Variants in SHANK2 observed in about 807,000 individuals in gnomAD.
SHANK2 encodes the protein SH3 and multiple ankyrin repeat domains 2, also known as SH3 and multiple ankyrin repeat domains protein 2.
In SHANK2, 43 loss-of-function variants were observed where a neutral mutation model predicts 133.7. The observed-to-expected ratio is 0.32, with a 90% CI of 0.25 to 0.41. SHANK2 has a LOEUF of 0.41. SHANK2 is among the 10% of genes least tolerant of loss of function. SHANK2 has a pLI of 1.00. For missense variants in SHANK2, 1,994 were observed against 2,235.8 expected (o/e 0.89, Z 2.18); for synonymous variants, 1,017 against 952.8 (o/e 1.07, Z -1.24).
intron 2 of SHANK2, among the ~76,000 whole-genome samples, chr11:71,220,929 G>A (rs1182929335): frequency 3.9e-5 from 6 of 152,144 alleles, no homozygotes; most frequent in Admixed American, 6.5e-5. Context: ...GGCCAGGCAC[G>A]GTGGCTCACG....
chr11:71,114,908 G>A (rs782457370), intron 4 of SHANK2, among the ~76,000 whole-genome samples: 1 of 152,096 alleles, frequency 6.6e-6, no homozygotes, highest in African/African-American at 2.4e-5. Context: ...AGCATCTCTG[G>A]GGCAGGAGGG....
At chr11:70,540,449 G>T (rs2059605687) in intron 17 of SHANK2, among the ~76,000 whole-genome samples, 1 of 152,080 alleles carries the variant, frequency 6.6e-6, no homozygotes, top group African/African-American at 2.4e-5. Flanking sequence ...GAGTGATGAG[G>T]ACCATTCTCA....
At chr11:70,849,619 T>C (rs1949052809) in intron 11 of SHANK2, among the ~76,000 whole-genome samples, 1 of 152,164 alleles carries the variant, frequency 6.6e-6, no homozygotes, top group Non-Finnish European at 1.5e-5. Context: ...CACCCTAATA[T>C]ACATGTTAGC....
intron 17 of SHANK2, among the ~76,000 whole-genome samples, chr11:70,597,813 C>T (rs565207652): frequency 4.6e-5 from 7 of 152,296 alleles, no homozygotes; most frequent in African/African-American, 1.4e-4. Flanking sequence ...GCGGAGGTTG[C>T]GGTGAGCTGA....
chr11:70,787,873 C>T (rs996064030), intron 14 of SHANK2, among the ~76,000 whole-genome samples: 1 of 152,208 alleles, frequency 6.6e-6, no homozygotes, highest in African/African-American at 2.4e-5. Flanking sequence ...TGCTTCTGAG[C>T]AAGTCACTCA....
chr11:70,820,560 A>G lies in SHANK2; in HGVS notation c.1297T>C (p.Trp433Arg), dbSNP rs1275818763. The G allele has an allele frequency of 1.3e-5, 9 of 716,850 alleles. No individual in the cohort carries two copies. Among genetic ancestry groups the G allele is most frequent in the Non-Finnish European group, 2.3e-5 (9 of 384,750 alleles). The allele number at this position is 716,850 out of a possible 1,614,324, so 44.4% of individuals were successfully genotyped here. The change falls in exon 12 of 26, where the codon TGG becomes CGG. Residue 433 changes from tryptophan (W) to arginine (R), a missense_variant. Around this residue, in one of 5 missense-constraint regions of SHANK2, gnomAD observed 653 missense variants for 563.4 expected, o/e 1.16. Transcript: ENST00000601538. ...GAGGTGGCCGTGGAGCAGACGGCCC[A>G]GTCGGGAGCGCTGGCATTGAGGTTG... is the stretch of plus-strand genomic sequence containing the variant. ...DNNLNASAPDWAVCSTATSHR... is the reference protein window; with the variant it reads ...DNNLNASAPDRAVCSTATSHR...
rs553451167 is a variant in SHANK2 at position 70,662,458 on chromosome 11, C to G, written c.1854-780G>C. ...GGCTGGGGCTCTCTCTGCATCCCCC[C>G]CTCCAGCGTCCCCCCGGTCCCTTGC... On this transcript the variant is annotated intron_variant, in intron 15 of 25. Transcript: ENST00000601538. Among the ~76,000 whole-genome samples, 572 of 152,258 alleles carry G rather than the reference C, an allele frequency of 3.8e-3. 3 individuals are homozygous for G. The highest frequency in any genetic ancestry group is 7.0e-3 in the Non-Finnish European group (479 of 68,022).
At chr11:70,717,734 C>T (rs1332748470) in intron 14 of SHANK2, among the ~76,000 whole-genome samples, 9 of 152,046 alleles carry the variant, frequency 5.9e-5, no homozygotes, top group South Asian at 4.1e-4. Context: ...CCATCTCACT[C>T]GGACCACTGC....
intron 15 of SHANK2, among the ~76,000 whole-genome samples, chr11:70,684,062 G>A (rs1389932606): frequency 3.3e-5 from 5 of 152,148 alleles, no homozygotes; most frequent in African/African-American, 1.2e-4. Context: ...GAGATGACAG[G>A]CGTGAGCCAC....
intron 1 of SHANK2, among the ~76,000 whole-genome samples, chr11:71,232,550 T>TCTC (rs781874391): frequency 5.4e-4 from 81 of 150,706 alleles, no homozygotes; most frequent in Admixed American, 2.5e-3. Flanking sequence ...TCCCCCCTCC[T>TCTC]CTCCTCCTCC....
chr11:70,756,971 GCC>G (rs1160550689), intron 14 of SHANK2, among the ~76,000 whole-genome samples: 10 of 152,250 alleles, frequency 6.6e-5, no homozygotes, highest in African/African-American at 2.4e-4. Context: ...AGGTCCTTGC[GCC>G]CCCGTCTGCA....
intron 11 of SHANK2, among the ~76,000 whole-genome samples, chr11:70,862,302 T>G (rs76907029): frequency 6.6e-6 from 1 of 152,140 alleles, no homozygotes; most frequent in African/African-American, 2.4e-5. Flanking sequence ...TGGTCTTTGT[T>G]GAAAGATCCC....
intron 10 of SHANK2, among the ~76,000 whole-genome samples, chr11:70,945,767 G>T (rs1397005394): frequency 4.6e-5 from 7 of 152,168 alleles, no homozygotes; most frequent in African/African-American, 1.7e-4. Flanking sequence ...GGTGCCTGGG[G>T]ATGCAGCACC....
intron 3 of SHANK2, among the ~76,000 whole-genome samples, chr11:71,122,311 C>T (rs1451812272): frequency 3.3e-5 from 5 of 152,204 alleles, no homozygotes; most frequent in Admixed American, 6.5e-5. Flanking sequence ...GAATACTATG[C>T]AGCCATAAAA....
chr11:71,100,181 G>A (rs914793344), intron 6 of SHANK2, among the ~76,000 whole-genome samples: 8 of 152,118 alleles, frequency 5.3e-5, no homozygotes, highest in South Asian at 2.1e-4. Context: ...GTAAAATGGC[G>A]CAGTCACTTT....
intron 8 of SHANK2, among the ~76,000 whole-genome samples, chr11:71,088,673 C>T (rs913682045): frequency 2.0e-5 from 3 of 149,410 alleles, no homozygotes; most frequent in South Asian, 4.3e-4. Context: ...AGAAATGTCT[C>T]GTGGGTGACT....
chr11:70,545,427 G>A (rs1223844333), intron 17 of SHANK2, among the ~76,000 whole-genome samples: 1 of 152,156 alleles, frequency 6.6e-6, no homozygotes, highest in Non-Finnish European at 1.5e-5. Flanking sequence ...GCAGCTCTGG[G>A]AGGCCCCGAG....
intron 24 of SHANK2, 59 bp downstream of exon 24, chr11:70,489,269 T>C: frequency 1.3e-6 from 2 of 1,541,224 alleles, no homozygotes; most frequent in Non-Finnish European, 1.8e-6. Context: ...AGAATACACC[T>C]TATAAAGTAA....
intron 2 of SHANK2, among the ~76,000 whole-genome samples, chr11:71,189,957 A>C (rs1304415795): frequency 6.6e-6 from 1 of 152,186 alleles, no homozygotes; most frequent in Non-Finnish European, 1.5e-5. Context: ...GAAGCTGAGC[A>C]CTCCGAGCAC....
Sources: allele counts gnomAD v4.1 joint callset (sites outside exome capture counted in the v4.1 genomes callset), GRCh38; gene constraint gnomAD v4.1.1; regional missense constraint gnomAD v4.1.1; transcripts MANE v1.5; gene names NCBI Gene and HGNC (gene_info 2026-07-23, HGNC 2026-07-21).